Variants in KRCC1 observed in about 807,000 individuals in gnomAD.
KRCC1 encodes the protein lysine rich coiled-coil 1.
KRCC1 carries 3 observed loss-of-function variants against 7.4 expected under a neutral mutation model. That is an observed-to-expected ratio of 0.40 (90% CI 0.18 to 1.04). The LOEUF (loss-of-function observed/expected upper bound fraction) is 1.04, where lower values mean the gene tolerates loss of function less well. KRCC1 is among the 50% of genes least tolerant of loss of function. The pLI, the probability that KRCC1 is intolerant of heterozygous loss-of-function variation, is 0.33. For synonymous variants in KRCC1, 102 were observed against 101.6 expected, an observed-to-expected ratio of 1.00 and a Z score of -0.02; for missense variants, 277 against 300.9, an observed-to-expected ratio of 0.92 and a Z score of 0.59.
chr2:88,035,050 G>C (rs1462493160), intron 2 of KRCC1, among the ~76,000 whole-genome samples: 1 of 152,112 alleles, frequency 6.6e-6, no homozygotes, highest in Admixed American at 6.5e-5. Context: ...AAATTGAAAA[G>C]AACTATAAAT....
chr2:88,032,587 T>C (rs2104606094), intron 3 of KRCC1, among the ~76,000 whole-genome samples: 1 of 152,322 alleles, frequency 6.6e-6, no homozygotes, highest in Non-Finnish European at 1.5e-5. Context: ...TGACTGGGTG[T>C]CTATACAAAG....
At chr2:88,050,972 G>T (rs897537697) in intron 1 of KRCC1, among the ~76,000 whole-genome samples, 1 of 147,420 alleles carries the variant, frequency 6.8e-6, no homozygotes, top group African/African-American at 2.5e-5. Flanking sequence ...CACCCAGGCT[G>T]AAGTGTAGTG....
At chr2:88,043,785 T>G (rs1478798260) in intron 1 of KRCC1, among the ~76,000 whole-genome samples, 6 of 152,200 alleles carry the variant, frequency 3.9e-5, no homozygotes. Flanking sequence ...TTCTCCTGCC[T>G]CAGCCTCCCG....
chr2:88,049,472 C>A (rs1252685190), intron 1 of KRCC1, among the ~76,000 whole-genome samples: 1 of 152,050 alleles, frequency 6.6e-6, no homozygotes, highest in Non-Finnish European at 1.5e-5. Flanking sequence ...ATGGTGAAAC[C>A]CCGTCTCTAC....
Position 88,028,268 on chromosome 2 carries a change from T to A in KRCC1, c.296A>T (p.Asp99Val). Residue 99 changes from aspartate to valine, a missense_variant, in exon 4 of 4, where the codon GAC (aspartate) becomes GTC (valine). Transcript: ENST00000347055. ...LPAHDSRLRL[D>V]SLSYCQFTRD... ...CGTGAACTGACAGTAGCTCAGAGAG[T>A]CTAGTCTCAATCTGCTGTCATGGGC... is the stretch of plus-strand genomic sequence containing the variant. The A allele has an allele frequency of 6.2e-7, 1 of 1,614,040 alleles. No individual in the cohort carries two copies. The highest frequency in any genetic ancestry group is 1.7e-5 in the Admixed American group (1 of 60,004).
chr2:88,053,098 G>A (rs1002481948), intron 1 of KRCC1, among the ~76,000 whole-genome samples: 3 of 151,474 alleles, frequency 2.0e-5, no homozygotes, highest in African/African-American at 7.3e-5. Flanking sequence ...AAATATCTCC[G>A]CATTATCAGA....
intron 1 of KRCC1, among the ~76,000 whole-genome samples, chr2:88,037,884 A>G (rs1216846428): frequency 6.6e-6 from 1 of 152,248 alleles, no homozygotes; most frequent in Non-Finnish European, 1.5e-5. Flanking sequence ...TATCTATGCC[A>G]AAATTACTAC....
chr2:88,047,614 C>T (rs1235081928), intron 1 of KRCC1, among the ~76,000 whole-genome samples: 2 of 152,018 alleles, frequency 1.3e-5, no homozygotes, highest in East Asian at 1.9e-4. Flanking sequence ...CTGCAGCCTC[C>T]GCCTCCCAGG....
At chr2:88,051,817 A>G (rs1482296086) in intron 1 of KRCC1, among the ~76,000 whole-genome samples, 9 of 152,250 alleles carry the variant, frequency 5.9e-5, no homozygotes, top group Admixed American at 5.9e-4. Context: ...TGGAAAGAAT[A>G]CCAACACAGA....
In KRCC1 at chr2:88,053,359, G is replaced by A. The variant is rs137954585; in HGVS notation, c.-291+2267C>T. 4.7e-3 allele frequency among the ~76,000 whole-genome samples: 709 copies of A among 151,780 alleles called. 2 individuals carry two copies. The highest frequency in any genetic ancestry group is 0.015 in the African/African-American group (633 of 41,448). Reference sequence around the variant, plus strand: ...GAACTGACATCTTTTAAAGTCTTTTGCACATATTTAAAGTCATTGCAAAAT... The same window carrying A: ...GAACTGACATCTTTTAAAGTCTTTTACACATATTTAAAGTCATTGCAAAAT... On this transcript the variant is annotated intron_variant, in intron 1 of 3. Coordinates refer to ENST00000347055, the MANE Select transcript of KRCC1 (RefSeq NM_016618.3).
chr2:88,027,814 C>A lies in KRCC1; in HGVS notation c.750G>T (p.Met250Ile). ...ATCCAAGAATAGACTGGTCCCAAAGCATTTCCTCCTCTGTCCTTTCTTGGC... is the reference window on the plus strand; with the variant it reads ...ATCCAAGAATAGACTGGTCCCAAAGAATTTCCTCCTCTGTCCTTTCTTGGC... ...EQGQERTEEE[M>I]LWDQSILGF Residue 250 changes from methionine to isoleucine, a missense_variant, in exon 4 of 4, where the codon ATG (methionine) becomes ATT (isoleucine). Met to Ile is a conservative substitution (Grantham distance 10). Transcript: ENST00000347055. 1.3e-6 allele frequency: 2 copies of A among 1,578,280 alleles called. No homozygotes were observed. Among genetic ancestry groups the A allele is most frequent in the East Asian group, 2.2e-5 (1 of 44,552 alleles).
intron 1 of KRCC1, among the ~76,000 whole-genome samples, chr2:88,055,154 C>G (rs1673589000): frequency 1.3e-5 from 2 of 151,820 alleles, no homozygotes; most frequent in Non-Finnish European, 2.9e-5. Flanking sequence ...CTGCTTTCCC[C>G]GATTCCTAAA....
Position 88,055,747 on chromosome 2 carries a change from C to A in KRCC1, c.-412G>T. 1 of 154,476 alleles carries A rather than the reference C, an allele frequency of 6.5e-6. No individual in the cohort carries two copies. The highest frequency in any genetic ancestry group is 1.9e-4 in the South Asian group (1 of 5,212). The allele number at this position is 154,476 out of a possible 1,614,324, so 9.6% of individuals were successfully genotyped here. ...CAGGAACAACCGCTGCCGCCACCGC[C>A]GCCTCCGCCGCCGAGCAGGCTGGAT... On this transcript the variant is annotated 5_prime_UTR_variant, in exon 1 of 4. Transcript: ENST00000347055.
intron 1 of KRCC1, among the ~76,000 whole-genome samples, chr2:88,041,767 A>G (rs1472310243): frequency 6.6e-6 from 1 of 152,224 alleles, no homozygotes; most frequent in African/African-American, 2.4e-5. Context: ...TTGCAGCATT[A>G]TATAGTTTGA....
At chr2:88,038,423 C>A (rs1236658135) in intron 1 of KRCC1, among the ~76,000 whole-genome samples, 1 of 152,142 alleles carries the variant, frequency 6.6e-6, no homozygotes, top group East Asian at 1.9e-4. Context: ...TGAAGAATGC[C>A]ACATAAGCTA....
intron 2 of KRCC1, among the ~76,000 whole-genome samples, chr2:88,036,238 A>G (rs1184169759): frequency 6.6e-6 from 1 of 152,222 alleles, no homozygotes; most frequent in African/African-American, 2.4e-5. Context: ...TCAGAGCGTG[A>G]GAAGAGCAGA....
In KRCC1 at chr2:88,028,346, C is replaced by A; in HGVS notation, c.218G>T (p.Arg73Ile). 1 of 1,614,138 alleles carries A rather than the reference C, an allele frequency of 6.2e-7. No individual in the cohort carries two copies. The highest frequency in any genetic ancestry group is 8.5e-7 in the Non-Finnish European group (1 of 1,180,038). ...CACTGTTTGTGGAATATTGCATGAT[C>A]TTGGGTAGGTCTGGATGGTTTCAGA... The part of the protein sequence containing the change: ...LPSETIQTYP[R>I]SCNIPQTVEN... Residue 73 changes from arginine to isoleucine, a missense_variant, in exon 4 of 4, where the codon AGA (arginine) becomes ATA (isoleucine). By Grantham distance (97) the Arg-to-Ile change is moderately conservative (BLOSUM62 -3). Coordinates refer to ENST00000347055, the MANE Select transcript of KRCC1 (RefSeq NM_016618.3).
At chr2:88,039,129 A>G (rs748453883) in intron 1 of KRCC1, among the ~76,000 whole-genome samples, 4 of 68,588 alleles carry the variant, frequency 5.8e-5, no homozygotes, top group Non-Finnish European at 1.2e-4. Flanking sequence ...ATGGGGTTTG[A>G]GAAATGGGAA....
intron 1 of KRCC1, among the ~76,000 whole-genome samples, chr2:88,048,550 A>C (rs976294579): frequency 6.6e-6 from 1 of 151,988 alleles, no homozygotes. Context: ...CTTGTACTTT[A>C]CTCCCCTGCT....
Sources: gnomAD v4.1 joint callset for allele counts (sites outside exome capture counted in the v4.1 genomes callset) on GRCh38, gnomAD v4.1.1 for gene constraint, MANE v1.5 for transcripts, NCBI Gene and HGNC (gene_info 2026-07-23, HGNC 2026-07-21) for gene names.